The following TRPV1 variants were observed in gnomAD, a reference collection of about 807,000 sequenced individuals.
TRPV1 encodes the protein OTRPC1.
In TRPV1, 82 loss-of-function variants were observed where a neutral mutation model predicts 82.3. That is an observed-to-expected ratio of 1.00 (90% CI 0.83 to 1.20). TRPV1 has a LOEUF of 1.20. TRPV1 is among the 50% of genes most tolerant of loss of function. The pLI, the probability that TRPV1 is intolerant of heterozygous loss-of-function variation, is 0.00. For missense variants in TRPV1, 1,067 were observed against 1,096.8 expected (o/e 0.97, Z 0.38); for synonymous variants, 515 against 467.7 (o/e 1.10, Z -1.30).
intron 2 of TRPV1, among the ~76,000 whole-genome samples, chr17:3,595,100 C>T (rs1205827438): frequency 2.0e-5 from 3 of 152,076 alleles, no homozygotes; most frequent in Admixed American, 1.3e-4. Flanking sequence ...GTTCACAGTG[C>T]GGACAGCCCT....
chr17:3,591,720 C>T (rs2075160962), intron 3 of TRPV1, among the ~76,000 whole-genome samples: 1 of 152,138 alleles, frequency 6.6e-6, no homozygotes, highest in Admixed American at 6.5e-5. Context: ...GCCTCACACT[C>T]CCCAGAAGTC....
intron 13 of TRPV1, 28 bp downstream of exon 13, chr17:3,577,098 C>A: frequency 6.4e-7 from 1 of 1,566,670 alleles, no homozygotes; most frequent in African/African-American, 1.4e-5. Context: ...GACCCCTGCC[C>A]TCCCCCAGCG....
rs1170675676 is a variant in TRPV1, at chr17:3,565,800, C to G, written c.*1015G>C. 2.0e-5 allele frequency: 3 copies of G among 152,222 alleles called. No individual in the cohort carries two copies. The highest frequency in any genetic ancestry group is 2.9e-5 in the Non-Finnish European group (2 of 68,070). 9.4% of individuals were successfully genotyped at this position (152,222 alleles called of 1,614,324 possible). A position where few individuals can be genotyped will look rare whatever the true frequency, so the allele number is the denominator to read the frequency against. On this transcript the variant is annotated 3_prime_UTR_variant, in exon 17 of 17. Transcript: ENST00000572705. ...AGCACGGCACAGAGAGGAAGGGCCT[C>G]TGCATTTTCCATCAAAGGAAGAGTT... is the stretch of plus-strand genomic sequence containing the variant.
At chr17:3,578,616 C>T (rs181313505) in intron 11 of TRPV1, 2 of 152,292 alleles carry the variant, frequency 1.3e-5, no homozygotes, top group East Asian at 3.9e-4. Context: ...TGTGGTAAAC[C>T]TACAGACCTT....
chr17:3,590,818 G>A lies in TRPV1; in HGVS notation c.604+146C>T, dbSNP rs1172433566. On this transcript the variant is annotated intron_variant, in intron 5 of 16. Transcript: ENST00000572705. ...CAAGCCAGCAGATGGGAGAGGCAGG[G>A]ACCCCCTAGGATTAGGAGCCACCAA... 4 of 1,152,670 alleles carry A rather than the reference G, an allele frequency of 3.5e-6. No individual in the cohort carries two copies. The Admixed American group carries it at 8.6e-5, about 25-fold the overall frequency. 71.4% of individuals were successfully genotyped at this position (1,152,670 alleles called of 1,614,324 possible).
Position 3,590,272 on chromosome 17 carries a change from C to T in TRPV1, c.725G>A (p.Gly242Glu). The T allele has an allele frequency of 1.9e-6, 3 of 1,613,984 alleles. No homozygotes were observed. The highest frequency in any genetic ancestry group is 2.5e-6 in the Non-Finnish European group (3 of 1,179,880). The change falls in exon 6 of 17, where the codon GGG becomes GAG. Residue 242 changes from glycine to glutamate, a missense_variant. By Grantham distance (98) the Gly-to-Glu change is moderately conservative. Coordinates refer to ENST00000572705, the MANE Select transcript of TRPV1 (RefSeq NM_080704.4). ...AHGDFFKKTK[G>E]RPGFYFGELP... ...CCTACCGAAGTAGAATCCAGGCCGC[C>T]CTTTGGTTTTCTTAAAGAAGTCCCC... is the stretch of plus-strand genomic sequence containing the variant.
At chr17:3,602,416 G>A (rs1158680127) in intron 2 of TRPV1, 1 of 152,220 alleles carries the variant, frequency 6.6e-6, no homozygotes, top group African/African-American at 2.4e-5. Context: ...TCTCGACATG[G>A]TGGCGGGGAC....
At chr17:3,606,221 C>T (rs1156625859) in intron 2 of TRPV1, among the ~76,000 whole-genome samples, 1 of 152,178 alleles carries the variant, frequency 6.6e-6, no homozygotes, top group Non-Finnish European at 1.5e-5. Context: ...CTCGGCCTCC[C>T]GAAGTGCTGG....
chr17:3,580,605 A>T, intron 10 of TRPV1, 78 bp from the exon 11 acceptor site: 1 of 1,450,590 alleles, frequency 6.9e-7, no homozygotes, highest in Non-Finnish European at 9.7e-7. Flanking sequence ...TGCTTCCTAA[A>T]TGGCACCATG....
At chr17:3,590,501 G>C (rs994000798) in intron 5 of TRPV1, 109 bp from the exon 6 acceptor site, 6 of 1,480,092 alleles carry the variant, frequency 4.1e-6, no homozygotes, top group Non-Finnish European at 5.4e-6. Context: ...GGAGGAACTG[G>C]GCAGAAAGTG....
intron 9 of TRPV1, 107 bp downstream of exon 9, chr17:3,585,661 G>T: frequency 7.2e-7 from 1 of 1,389,012 alleles, no homozygotes; most frequent in Non-Finnish European, 9.7e-7. Context: ...CTGGGAAGGA[G>T]TCCAGGGCAG....
intron 16 of TRPV1, among the ~76,000 whole-genome samples, chr17:3,568,335 AAAG>A (rs1333577599): frequency 6.6e-6 from 1 of 151,632 alleles, no homozygotes; most frequent in African/African-American, 2.4e-5. Context: ...AAAAAAAAAA[AAAG>A]AAAAGAAAAG....
chr17:3,591,276 G>C lies in TRPV1; in HGVS notation c.362C>G (p.Ala121Gly). 1 of 1,613,226 alleles carries C rather than the reference G, an allele frequency of 6.2e-7. No individual in the cohort carries two copies. Among genetic ancestry groups the C allele is most frequent in the Non-Finnish European group, 8.5e-7 (1 of 1,179,834 alleles). The change falls in exon 4 of 17, where the codon GCC becomes GGC. Residue 121 changes from alanine (A) to glycine (G), a missense_variant. Ala to Gly is a moderately conservative substitution (Grantham distance 60). Transcript: ENST00000572705. ...ATCCTGGCAGTTATTCTGAGCAACG[G>C]CTTCAAAGATACTCCTGCGATCATA... is the stretch of plus-strand genomic sequence containing the variant. ...RLYDRRSIFEAVAQNNCQDLE... is the reference protein window; with the variant it reads ...RLYDRRSIFEGVAQNNCQDLE...
intron 11 of TRPV1, chr17:3,578,660 A>G (rs1288211557): frequency 6.6e-6 from 1 of 152,214 alleles, no homozygotes; most frequent in Non-Finnish European, 1.5e-5. Context: ...GCTAAAGTAT[A>G]GGTATCTCAA....
Position 3,585,759 on chromosome 17 carries a change from T to C in TRPV1, c.1383+9A>G. ...CCCTCGCCCACGAGGCCTGAGCCTC[T>C]GGCCGCACCAAGCCATCCACGGGCC... On this transcript the variant is annotated intron_variant, in intron 9 of 16. Coordinates refer to ENST00000572705, the MANE Select transcript of TRPV1 (RefSeq NM_080704.4). The C allele has an allele frequency of 6.2e-7, 1 of 1,611,724 alleles. No individual in the cohort carries two copies. The highest frequency in any genetic ancestry group is 8.5e-7 in the Non-Finnish European group (1 of 1,178,856).
At chr17:3,596,346 G>C (rs571709521) in intron 2 of TRPV1, among the ~76,000 whole-genome samples, 1 of 152,156 alleles carries the variant, frequency 6.6e-6, no homozygotes, top group Admixed American at 6.5e-5. Context: ...CCTCCCGCTC[G>C]CCACTGGGGA....
At chr17:3,575,241 G>A (rs925607393) in intron 13 of TRPV1, among the ~76,000 whole-genome samples, 4 of 152,096 alleles carry the variant, frequency 2.6e-5, no homozygotes, top group South Asian at 2.1e-4. Flanking sequence ...CCAGCACTTC[G>A]GGAGGCCAAG....
rs756664106 is a variant in TRPV1, at chr17:3,580,458, A to C, written c.1546T>G (p.Phe516Val). 6 of 1,614,060 alleles carry C rather than the reference A, an allele frequency of 3.7e-6. No homozygotes were observed. Among genetic ancestry groups the C allele is most frequent in the Non-Finnish European group, 5.1e-6 (6 of 1,179,910 alleles). The change falls in exon 11 of 17, where the codon TTC becomes GTC. Residue 516 changes from phenylalanine (F) to valine (V), a missense_variant and splice_region_variant. By Grantham distance (50) the Phe-to-Val change is conservative (BLOSUM62 -1). Transcript: ENST00000572705. ...GGAATGAGTCAAAGTGTCACTTACA[A>C]AAGCATCTCACTGTAGCTGTCCACA... ...LFVDSYSEML[F>V]FLQSLFMLAT...
chr17:3,587,837 C>T (rs557835510), intron 8 of TRPV1, among the ~76,000 whole-genome samples: 1 of 142,174 alleles, frequency 7.0e-6, no homozygotes, highest in Non-Finnish European at 1.6e-5. Flanking sequence ...AAAATCTACA[C>T]GCCCTGCCAT....
Sources: allele counts gnomAD v4.1 joint callset (sites outside exome capture counted in the v4.1 genomes callset), GRCh38; gene constraint gnomAD v4.1.1; transcripts MANE v1.5; gene names NCBI Gene and HGNC (gene_info 2026-07-23, HGNC 2026-07-21).